The following MELK variants were observed in gnomAD, a reference collection of about 807,000 sequenced individuals.
MELK encodes maternal embryonic leucine zipper kinase.
MELK carries 81 observed loss-of-function variants against 85.0 expected under a neutral mutation model. That is an observed-to-expected ratio of 0.95 (90% CI 0.80 to 1.15). The LOEUF (loss-of-function observed/expected upper bound fraction) is 1.15. Ranked by LOEUF, MELK falls within the 50% of genes most tolerant of loss-of-function variation. The pLI, the probability that MELK is intolerant of heterozygous loss-of-function variation, is 0.00. For synonymous variants in MELK, 252 were observed against 265.0 expected, an observed-to-expected ratio of 0.95 and a Z score of 0.48; for missense variants, 754 against 777.5, an observed-to-expected ratio of 0.97 and a Z score of 0.36.
At chr9:36,651,558 A>G (rs1830699326) in intron 11 of MELK, among the ~76,000 whole-genome samples, 188 bp from the exon 12 acceptor site, 1 of 152,180 alleles carries the variant, frequency 6.6e-6, no homozygotes, top group African/African-American at 2.4e-5. Context: ...GTTGTTCCTT[A>G]GGGGGAGTGG....
At chr9:36,589,486 A>C in intron 3 of MELK, 50 bp from the exon 4 acceptor site, 1 of 1,455,112 alleles carries the variant, frequency 6.9e-7, no homozygotes, top group Non-Finnish European at 9.6e-7. Flanking sequence ...GGAGCTTGGA[A>C]CACCACCTGA....
intron 11 of MELK, among the ~76,000 whole-genome samples, chr9:36,647,050 A>C (rs1830272072): frequency 1.3e-5 from 2 of 152,216 alleles, no homozygotes; most frequent in South Asian, 4.1e-4. Context: ...TTTATCTGTT[A>C]TTGAACACAG....
intron 13 of MELK, among the ~76,000 whole-genome samples, chr9:36,660,903 A>C (rs1032189389): frequency 1.6e-4 from 24 of 152,158 alleles, no homozygotes; most frequent in African/African-American, 4.8e-4. Context: ...AGGCAGGAGA[A>C]TTGCTTGAAC....
intron 13 of MELK, among the ~76,000 whole-genome samples, chr9:36,662,330 T>G (rs1443417834): frequency 3.0e-4 from 46 of 151,690 alleles, no homozygotes; most frequent in African/African-American, 1.0e-3. Flanking sequence ...TGCAACCTCT[T>G]CCTCCTGGGT....
At chr9:36,676,516 C>T (rs1367149391) in intron 17 of MELK, among the ~76,000 whole-genome samples, 1 of 152,150 alleles carries the variant, frequency 6.6e-6, no homozygotes, top group East Asian at 1.9e-4. Context: ...CCTTTCCATT[C>T]TCAGAGTAGA....
At chr9:36,638,187 A>G (rs563568091) in intron 10 of MELK, among the ~76,000 whole-genome samples, 3 of 152,358 alleles carry the variant, frequency 2.0e-5, no homozygotes, top group Middle Eastern at 3.4e-3. Flanking sequence ...TCTGCTTTCT[A>G]CAACCCCAAG....
chr9:36,648,845 C>T (rs1353718939), intron 11 of MELK, among the ~76,000 whole-genome samples: 1 of 152,096 alleles, frequency 6.6e-6, no homozygotes, highest in Non-Finnish European at 1.5e-5. Flanking sequence ...CGTAATTCTT[C>T]ACTTTTAAGT....
At chr9:36,622,799 C>G (rs1175942469) in intron 8 of MELK, among the ~76,000 whole-genome samples, 2 of 152,140 alleles carry the variant, frequency 1.3e-5, no homozygotes, top group African/African-American at 4.8e-5. Context: ...GGTGAGATGG[C>G]CTGCCTCTCT....
At chr9:36,627,142 C>G (rs1157661660) in intron 8 of MELK, among the ~76,000 whole-genome samples, 14 of 151,188 alleles carry the variant, frequency 9.3e-5, no homozygotes. Context: ...GGTGAGGAAG[C>G]CATTGACTTG....
At chr9:36,575,538 G>A (rs1821572481) in intron 1 of MELK, among the ~76,000 whole-genome samples, 1 of 151,946 alleles carries the variant, frequency 6.6e-6, no homozygotes, top group Admixed American at 6.6e-5. Flanking sequence ...GGCCCACATT[G>A]GTATTACTCA....
At chr9:36,661,869 G>A (rs927803896) in intron 13 of MELK, among the ~76,000 whole-genome samples, 13 of 151,090 alleles carry the variant, frequency 8.6e-5, no homozygotes, top group African/African-American at 2.7e-4. Context: ...CCCGGGAGGC[G>A]GAGCTTGCAG....
At chr9:36,607,106 A>G (rs1000576837) in intron 7 of MELK, among the ~76,000 whole-genome samples, 2 of 152,204 alleles carry the variant, frequency 1.3e-5, no homozygotes, top group East Asian at 1.9e-4. Context: ...TGAAAAGTCA[A>G]TCATTGAACT....
At chr9:36,663,337 C>T (rs1220089362) in intron 13 of MELK, among the ~76,000 whole-genome samples, 1 of 152,152 alleles carries the variant, frequency 6.6e-6, no homozygotes, top group Non-Finnish European at 1.5e-5. Context: ...GACTTGGCCT[C>T]CCAAAGTGCT....
intron 8 of MELK, among the ~76,000 whole-genome samples, chr9:36,613,831 G>C (rs925977128): frequency 6.6e-6 from 1 of 152,174 alleles, no homozygotes; most frequent in African/African-American, 2.4e-5. Context: ...CAGTAGGAAA[G>C]GAAACCTTGG....
intron 7 of MELK, among the ~76,000 whole-genome samples, chr9:36,606,098 T>C (rs1020941801): frequency 6.6e-6 from 1 of 151,990 alleles, no homozygotes; most frequent in African/African-American, 2.4e-5. Context: ...GACACATGGA[T>C]ATCACATATA....
At chr9:36,649,762 C>CT (rs775343790) in intron 11 of MELK, among the ~76,000 whole-genome samples, 2 of 151,858 alleles carry the variant, frequency 1.3e-5, no homozygotes, top group Non-Finnish European at 2.9e-5. Flanking sequence ...GAGCGAGACT[C>CT]TATCTCAAAA....
intron 10 of MELK, among the ~76,000 whole-genome samples, chr9:36,640,918 C>G (rs996038080): frequency 6.6e-6 from 1 of 152,206 alleles, no homozygotes; most frequent in South Asian, 2.1e-4. Flanking sequence ...TTCATGATGG[C>G]AGCCTTTCTC....
At chr9:36,637,793 A>T (rs1829357338) in intron 10 of MELK, among the ~76,000 whole-genome samples, 1 of 152,232 alleles carries the variant, frequency 6.6e-6, no homozygotes, top group Admixed American at 6.5e-5. Context: ...GCCCACTATT[A>T]ATGGGCCATG....
At chr9:36,666,864 TGTGTGTG>T (rs1832396884) in intron 14 of MELK, among the ~76,000 whole-genome samples, 1 of 21,362 alleles carries the variant, frequency 4.7e-5, no homozygotes, top group Non-Finnish European at 1.2e-4. Flanking sequence ...TGTGTGTGTG[TGTGTGTG>T]TGTGTGTGTG....
Sources: gnomAD v4.1 joint callset for allele counts (sites outside exome capture counted in the v4.1 genomes callset) on GRCh38, gnomAD v4.1.1 for gene constraint, MANE v1.5 for transcripts, NCBI Gene and HGNC (gene_info 2026-07-23, HGNC 2026-07-21) for gene names.